SLC15A2: variants seen among roughly 807,000 people sequenced by gnomAD.
SLC15A2 encodes the protein kidney H(+)/peptide cotransporter.
Under a neutral mutation model 95.5 loss-of-function variants are expected in SLC15A2, and 77 were observed. The observed-to-expected ratio is 0.81, with a 90% CI of 0.67 to 0.97. SLC15A2 has a LOEUF of 0.97. Ranked by LOEUF, SLC15A2 falls within the 50% of genes least tolerant of loss-of-function variation. The pLI, the probability that SLC15A2 is intolerant of heterozygous loss-of-function variation, is 0.00. For synonymous variants in SLC15A2, 306 were observed against 306.9 expected (o/e 1.00, Z 0.03); for missense variants, 893 against 874.4 (o/e 1.02, Z -0.27).
intron 3 of SLC15A2, among the ~76,000 whole-genome samples, chr3:121,902,338 T>A (rs1177995570): frequency 6.6e-6 from 1 of 152,036 alleles, no homozygotes; most frequent in African/African-American, 2.4e-5. Context: ...GTTTATTATT[T>A]TTTTATTTTA....
chr3:121,927,206 T>C (rs1710138309), intron 13 of SLC15A2, among the ~76,000 whole-genome samples: 1 of 152,250 alleles, frequency 6.6e-6, no homozygotes, highest in African/African-American at 2.4e-5. Context: ...TAATTGTATT[T>C]TGCAATGTGA....
intron 3 of SLC15A2, among the ~76,000 whole-genome samples, chr3:121,910,684 C>A (rs1238156879): frequency 1.3e-5 from 2 of 152,140 alleles, no homozygotes; most frequent in Admixed American, 6.5e-5. Flanking sequence ...TTAAAAATTG[C>A]AGGTGTAAAC....
intron 18 of SLC15A2, 130 bp downstream of exon 18, chr3:121,931,080 T>C (rs1710224479): frequency 3.2e-6 from 2 of 616,556 alleles, no homozygotes; most frequent in Non-Finnish European, 5.8e-6. Context: ...ACTGATCTTT[T>C]CCAACTCTTG....
At chr3:121,900,026 T>A (rs575338449) in intron 3 of SLC15A2, among the ~76,000 whole-genome samples, 3 of 152,294 alleles carry the variant, frequency 2.0e-5, no homozygotes, top group Non-Finnish European at 4.4e-5. Context: ...ATCTGGCTTC[T>A]CTTTTGCCTC....
At chr3:121,931,095 C>A in intron 18 of SLC15A2, 145 bp downstream of exon 18, 1 of 604,978 alleles carries the variant, frequency 1.7e-6, no homozygotes, top group Non-Finnish European at 3.0e-6. Flanking sequence ...CTCTTGCTTC[C>A]TTCCCTCAGT....
rs749319122 is a variant in SLC15A2, at chr3:121,922,240, A to C, written c.718A>C (p.Lys240Gln). 3 of 1,613,794 alleles carry C rather than the reference A, an allele frequency of 1.9e-6. No homozygotes were observed. In the African/African-American group the frequency reaches 4.0e-5, roughly 22 times the overall value. Residue 240 changes from lysine to glutamine, a missense_variant, in exon 8 of 22, where the codon AAA becomes CAA. By Grantham distance (53) the Lys-to-Gln change is moderately conservative. Coordinates refer to ENST00000489711, the MANE Select transcript of SLC15A2 (RefSeq NM_021082.4). ...IALVVFAMGS[K>Q]IYNKPPPEGN... is the part of the protein sequence containing the mutation. ...TGCAGTTGTGTTTGCAATGGGAAGC[A>C]AAATATACAATAAACCACCCCCTGA...
At chr3:121,913,944 C>T (rs1002986488) in intron 5 of SLC15A2, among the ~76,000 whole-genome samples, 9 of 148,554 alleles carry the variant, frequency 6.1e-5, no homozygotes, top group African/African-American at 1.7e-4. Flanking sequence ...TCTCTCTCTC[C>T]CCCCCACCTC....
In SLC15A2 at chr3:121,923,132, A is replaced by G; in HGVS notation, c.957+3A>G. On this transcript the variant is annotated splice_donor_region_variant and intron_variant, in intron 10 of 21. Transcript: ENST00000489711. Reference sequence around the variant, plus strand: ...TCTGGGCTCTTTTGGATCAGCAGGTAAGAATAGTTCTTTTGGACATTACCG... The same window carrying G: ...TCTGGGCTCTTTTGGATCAGCAGGTGAGAATAGTTCTTTTGGACATTACCG... The G allele has an allele frequency of 1.2e-6, 2 of 1,613,888 alleles. No homozygotes were observed. The highest frequency in any genetic ancestry group is 1.7e-6 in the Non-Finnish European group (2 of 1,179,828).
rs751569016 is a variant in SLC15A2, at chr3:121,940,617, A to G, written c.2013+129A>G. 4 of 870,968 alleles carry G rather than the reference A, an allele frequency of 4.6e-6. No homozygotes were observed. In the South Asian group the frequency reaches 6.4e-5, roughly 14 times the overall value. The allele number at this position is 870,968 out of a possible 1,614,324, so 54.0% of individuals were successfully genotyped here. A position where few individuals can be genotyped will look rare whatever the true frequency, so the allele number is the denominator to read the frequency against. On this transcript the variant is annotated intron_variant, in intron 21 of 21. Coordinates refer to ENST00000489711, the MANE Select transcript of SLC15A2 (RefSeq NM_021082.4). ...TGCTGTGACATGAAATGGGTTAGAT[A>G]TACAGACTTTACCAGGAAAATAGAC...
At chr3:121,915,741 C>A in intron 7 of SLC15A2, 48 bp downstream of exon 7, 1 of 1,320,834 alleles carries the variant, frequency 7.6e-7, no homozygotes. Flanking sequence ...ATACCTGACA[C>A]ATGTAAAGCA....
chr3:121,925,773 TATATATATAA>T (rs1404659652), intron 13 of SLC15A2, among the ~76,000 whole-genome samples: 1,702 of 52,520 alleles, frequency 0.032, 261 homozygotes, highest in Middle Eastern at 0.048. Flanking sequence ...TATATATATA[TATATATATAA>T]AATACAACTA....
At chr3:121,912,959 A>T in intron 4 of SLC15A2, 62 bp from the exon 5 acceptor site, 1 of 1,171,204 alleles carries the variant, frequency 8.5e-7, no homozygotes, top group Non-Finnish European at 1.3e-6. Flanking sequence ...GCAGCTCTGT[A>T]GTCCATCTCT....
At chr3:121,927,105 T>A (rs776207099) in intron 13 of SLC15A2, among the ~76,000 whole-genome samples, 22 of 152,198 alleles carry the variant, frequency 1.4e-4, no homozygotes, top group Non-Finnish European at 2.2e-4. Flanking sequence ...TGGAAGGGAC[T>A]TGCCTTATTT....
chr3:121,919,468 T>C (rs551591398), intron 7 of SLC15A2, among the ~76,000 whole-genome samples: 42 of 152,188 alleles, frequency 2.8e-4, no homozygotes, highest in African/African-American at 1.0e-3. Context: ...GTGTGGGTTT[T>C]TTATGGGTTT....
chr3:121,923,346 T>A, intron 11 of SLC15A2, 80 bp downstream of exon 11: 1 of 1,436,066 alleles, frequency 7.0e-7, no homozygotes, highest in Non-Finnish European at 9.7e-7. Flanking sequence ...TCTTTGTGAT[T>A]TTGCCTGAAA....
rs1226069915 is a variant in SLC15A2 at position 121,943,230 on chromosome 3, C to A, written c.*2223C>A. ...GCAATGAGCCGAGATCACGCCATCA[C>A]ACTCTAGCCTGGGGGACAAGAGTGA... is the stretch of plus-strand genomic sequence containing the variant. On this transcript the variant is annotated 3_prime_UTR_variant, in exon 22 of 22. Transcript: ENST00000489711. 2.0e-5 allele frequency: 3 copies of A among 152,018 alleles called. No homozygotes were observed. The South Asian group carries it at 6.2e-4, about 32-fold the overall frequency. The allele number at this position is 152,018 out of a possible 1,614,324, so 9.4% of individuals were successfully genotyped here. A position where few individuals can be genotyped will look rare whatever the true frequency, so the allele number is the denominator to read the frequency against.
chr3:121,908,827 G>A (rs1709706405), intron 3 of SLC15A2, among the ~76,000 whole-genome samples: 2 of 151,772 alleles, frequency 1.3e-5, no homozygotes, highest in East Asian at 2.0e-4. Flanking sequence ...AAGGAATGCT[G>A]GATTATGAGT....
intron 3 of SLC15A2, among the ~76,000 whole-genome samples, chr3:121,909,530 C>T (rs1179361374): frequency 1.3e-5 from 2 of 152,192 alleles, no homozygotes; most frequent in Admixed American, 6.5e-5. Context: ...GGTCTCTTGA[C>T]TTCTTGCTCC....
chr3:121,921,466 T>C (rs1170613750), intron 7 of SLC15A2, among the ~76,000 whole-genome samples: 2 of 151,710 alleles, frequency 1.3e-5, no homozygotes, highest in Non-Finnish European at 1.5e-5. Context: ...TTAATTTCCT[T>C]AATATTCCTT....
Sources: gnomAD v4.1 joint callset for allele counts (sites outside exome capture counted in the v4.1 genomes callset) on GRCh38, gnomAD v4.1.1 for gene constraint, MANE v1.5 for transcripts, NCBI Gene and HGNC (gene_info 2026-07-23, HGNC 2026-07-21) for gene names.